The following FGB variants were observed in gnomAD, a reference collection of about 807,000 sequenced individuals.
The protein encoded by FGB is fibrinogen beta chain.
A neutral mutation model predicts 57.9 loss-of-function variants in FGB; 25 were observed. That is an observed-to-expected ratio of 0.43 (90% CI 0.31 to 0.60). The LOEUF (loss-of-function observed/expected upper bound fraction) is 0.60. Ranked by LOEUF, FGB falls within the 20% of genes least tolerant of loss-of-function variation. The pLI is 0.08. For synonymous variants in FGB, 203 were observed against 199.2 expected (o/e 1.02, Z -0.16); for missense variants, 536 against 598.4 (o/e 0.90, Z 1.09).
Position 154,570,887 on chromosome 4 carries a change from T to A in FGB, c.*237T>A, listed in dbSNP as rs1276944321. ...AGTATAGTTTTGACAGAGTTGGTGTTCATAATTTCAGTTCTAGTTGATTGC... is the reference window on the plus strand; with the variant it reads ...AGTATAGTTTTGACAGAGTTGGTGTACATAATTTCAGTTCTAGTTGATTGC... On this transcript the variant is annotated 3_prime_UTR_variant, in exon 8 of 8. Transcript: ENST00000302068. 5 of 541,174 alleles carry A rather than the reference T, an allele frequency of 9.2e-6. No individual in the cohort carries two copies. The highest frequency in any genetic ancestry group is 3.1e-5 in the Admixed American group (1 of 32,464). 33.5% of individuals were successfully genotyped at this position (541,174 alleles called of 1,614,324 possible). A position where few individuals can be genotyped will look rare whatever the true frequency, so the allele number is the denominator to read the frequency against.
At chr4:154,568,977 T>C (rs924198947) in intron 5 of FGB, among the ~76,000 whole-genome samples, 5 of 152,240 alleles carry the variant, frequency 3.3e-5, no homozygotes, top group African/African-American at 7.2e-5. Context: ...AAAATATCTA[T>C]AATTCACAAT....
In FGB at chr4:154,565,482, C is replaced by A. The variant is rs186055541; in HGVS notation, c.115-326C>A. ...GCTTGAGAATATTCATTCTTCTTGA[C>A]AGTATAGATTCTTTACAATTTCGTA... On this transcript the variant is annotated intron_variant, in intron 1 of 7. Transcript: ENST00000302068. 2,416 of 330,338 alleles carry A rather than the reference C, an allele frequency of 7.3e-3. 18 individuals are homozygous for A. The highest frequency in any genetic ancestry group is 0.022 in the Middle Eastern group (22 of 978). 20.5% of individuals were successfully genotyped at this position (330,338 alleles called of 1,614,324 possible). A position where few individuals can be genotyped will look rare whatever the true frequency, so the allele number is the denominator to read the frequency against.
chr4:154,568,526 C>T (rs1157818827), intron 5 of FGB, 32 bp downstream of exon 5: 1 of 1,149,846 alleles, frequency 8.7e-7, no homozygotes. Flanking sequence ...ACCTGTTGAT[C>T]TGTAATTATT....
intron 3 of FGB, among the ~76,000 whole-genome samples, chr4:154,567,178 A>G (rs1377009102): frequency 6.6e-6 from 1 of 152,214 alleles, no homozygotes; most frequent in Admixed American, 6.5e-5. Flanking sequence ...TTTCAAAGAA[A>G]TCAAAGGAAT....
chr4:154,566,784 C>T, intron 3 of FGB, 112 bp downstream of exon 3: 2 of 1,042,622 alleles, frequency 1.9e-6, no homozygotes, highest in Non-Finnish European at 2.9e-6. Context: ...TAGTGAATAG[C>T]ATTCATACGC....
At chr4:154,565,215 C>T (rs1730105341) in intron 1 of FGB, 1 of 464,378 alleles carries the variant, frequency 2.2e-6, no homozygotes. Flanking sequence ...GATAAAGCAA[C>T]TTGCCCAAGG....
At position 154,566,549 on chromosome 4, in the gene FGB, A is replaced by G. The variant is rs148045912; in HGVS notation, c.367A>G (p.Ile123Val). Residue 123 changes from isoleucine (I) to valine (V), a missense_variant, in exon 3 of 8, where the codon ATC becomes GTC. Physicochemically the swap from Ile to Val is conservative, Grantham distance 29. Around this residue, in one of 3 missense-constraint regions of FGB, gnomAD observed 354 missense variants for 383.4 expected, o/e 0.92. Coordinates refer to ENST00000302068, the MANE Select transcript of FGB (RefSeq NM_005141.5). Reference protein sequence around the residue: ...QEALLQQERPIRNSVDELNNN... With the variant: ...QEALLQQERPVRNSVDELNNN... ...GGCTTTGCTACAACAGGAAAGGCCAATCAGAAATAGTGTTGATGAGTTAAA... is the reference window on the plus strand; with the variant it reads ...GGCTTTGCTACAACAGGAAAGGCCAGTCAGAAATAGTGTTGATGAGTTAAA... 2.2e-4 allele frequency: 354 copies of G among 1,614,174 alleles called. 2 individuals are homozygous for G. In the African/African-American group the frequency reaches 3.8e-3, roughly 17 times the overall value.
intron 2 of FGB, 109 bp from the exon 3 acceptor site, chr4:154,566,379 TA>T: frequency 3.9e-6 from 4 of 1,028,370 alleles, no homozygotes; most frequent in Non-Finnish European, 6.0e-6. Context: ...AACCAAATAA[TA>T]AATTTTTATG....
rs1219609042 is a variant in FGB at position 154,565,937 on chromosome 4, C to A, written c.244C>A (p.Gln82Lys). The change falls in exon 2 of 8, where the codon CAA (glutamine) becomes AAA (lysine). Residue 82 changes from glutamine to lysine, a missense_variant. By Grantham distance (53) the Gln-to-Lys change is moderately conservative. Coordinates refer to ENST00000302068, the MANE Select transcript of FGB (RefSeq NM_005141.5). ...TCGTCCAGCCAAAGCAGCTGCCACTCAAAAGAAAGTAGAAAGAAAAGCCCC... is the reference window on the plus strand; with the variant it reads ...TCGTCCAGCCAAAGCAGCTGCCACTAAAAAGAAAGTAGAAAGAAAAGCCCC... Reference protein sequence around the residue: ...RARPAKAAATQKKVERKAPDA... With the variant: ...RARPAKAAATKKKVERKAPDA... The A allele has an allele frequency of 8.7e-6, 14 of 1,614,120 alleles. No individual in the cohort carries two copies. In the Admixed American group the frequency reaches 1.5e-4, roughly 17 times the overall value.
chr4:154,568,607 A>T, intron 5 of FGB, 113 bp downstream of exon 5: 1 of 668,784 alleles, frequency 1.5e-6, no homozygotes, highest in Non-Finnish European at 2.8e-6. Flanking sequence ...GCACCTTGGG[A>T]GGCCAAAGTG....
intron 4 of FGB, 44 bp from the exon 5 acceptor site, chr4:154,568,337 T>A (rs757188859): frequency 1.0e-6 from 1 of 1,002,976 alleles, no homozygotes; most frequent in East Asian, 2.4e-5. Context: ...TACAAAGTAA[T>A]TATGTCATAA....
At chr4:154,568,857 A>AG (rs1443342003) in intron 5 of FGB, among the ~76,000 whole-genome samples, 1 of 86,008 alleles carries the variant, frequency 1.2e-5, no homozygotes, top group African/African-American at 8.5e-5. Flanking sequence ...ATCCTGTCTC[A>AG]AAAAAAAAAA....
chr4:154,566,568 A>G lies in FGB; in HGVS notation c.386A>G (p.Glu129Gly). 1 of 1,614,108 alleles carries G rather than the reference A, an allele frequency of 6.2e-7. No individual in the cohort carries two copies. ...AGGCCAATCAGAAATAGTGTTGATG[A>G]GTTAAATAACAATGTGGAAGCTGTT... ...QERPIRNSVDELNNNVEAVSQ... is the reference protein window; with the variant it reads ...QERPIRNSVDGLNNNVEAVSQ... The change falls in exon 3 of 8, where the codon GAG becomes GGG. Residue 129 changes from glutamate (E) to glycine (G), a missense_variant. Coordinates refer to ENST00000302068, the MANE Select transcript of FGB (RefSeq NM_005141.5).
chr4:154,569,943 C>T (rs1306544303), intron 7 of FGB, 144 bp downstream of exon 7: 1 of 796,946 alleles, frequency 1.3e-6, no homozygotes, highest in East Asian at 2.6e-5. Context: ...CACTCGAAAG[C>T]ATTTCAACTA....
At chr4:154,564,306 T>G (rs1730066074) in intron 1 of FGB, among the ~76,000 whole-genome samples, 3 of 152,034 alleles carry the variant, frequency 2.0e-5, no homozygotes, top group South Asian at 4.1e-4. Context: ...TTTCCTTTTC[T>G]CTAGTAAAGC....
chr4:154,569,739 G>A lies in FGB; in HGVS notation c.1184G>A (p.Arg395Lys). The change falls in exon 7 of 8, where the codon AGG becomes AAG. Residue 395 changes from arginine to lysine, a missense_variant. Around this residue, in one of 3 missense-constraint regions of FGB, gnomAD observed 177 missense variants for 193.7 expected, o/e 0.91. Coordinates refer to ENST00000302068, the MANE Select transcript of FGB (RefSeq NM_005141.5). ...DGASQLMGEN[R>K]TMTIHNGMFF... ...GCATCTCAGCTGATGGGAGAAAACA[G>A]GACCATGACCATTCACAACGGCATG... The A allele has an allele frequency of 6.2e-7, 1 of 1,614,158 alleles. No individual in the cohort carries two copies. Among genetic ancestry groups the A allele is most frequent in the East Asian group, 2.2e-5 (1 of 44,876 alleles).
In FGB at chr4:154,571,853, T is replaced by C. The variant is rs1400394442; in HGVS notation, c.*1203T>C. On this transcript the variant is annotated 3_prime_UTR_variant, in exon 8 of 8. Transcript: ENST00000302068. ...TTGCCACCCATTTTTATGGTACTTA[T>C]TGTTCTTAAGCTTATCCTCTTAATC... Among the ~76,000 whole-genome samples the C allele has an allele frequency of 6.6e-6, 1 of 152,176 alleles. No individual in the cohort carries two copies. Among genetic ancestry groups the C allele is most frequent in the Non-Finnish European group, 1.5e-5 (1 of 68,038 alleles).
intron 5 of FGB, 106 bp downstream of exon 5, chr4:154,568,600 C>A: frequency 2.7e-6 from 2 of 736,494 alleles, no homozygotes; most frequent in Non-Finnish European, 4.9e-6. Context: ...AATTCCAGCA[C>A]CTTGGGAGGC....
At position 154,569,520 on chromosome 4, in the gene FGB, A is replaced by G. The variant is rs1398769200; in HGVS notation, c.965A>G (p.Tyr322Cys). ...TATTTTGTTTTTCTTTTAGGTGAAT[A>G]TTGGCTTGGAAATGATAAAATTAGC... ...GKNYCGLPGEYWLGNDKISQL... is the reference protein window; with the variant it reads ...GKNYCGLPGECWLGNDKISQL... Residue 322 changes from tyrosine to cysteine, a missense_variant, in exon 7 of 8, where the codon TAT (tyrosine) becomes TGT (cysteine). Tyr to Cys is a radical substitution (Grantham distance 194). Around this residue, in one of 3 missense-constraint regions of FGB, gnomAD observed 5 missense variants for 21.4 expected, o/e 0.23. Coordinates refer to ENST00000302068, the MANE Select transcript of FGB (RefSeq NM_005141.5). The G allele has an allele frequency of 1.2e-6, 2 of 1,611,648 alleles. No homozygotes were observed. The highest frequency in any genetic ancestry group is 1.7e-4 in the Middle Eastern group (1 of 6,040).
Sources: allele counts gnomAD v4.1 joint callset (sites outside exome capture counted in the v4.1 genomes callset), GRCh38; gene constraint gnomAD v4.1.1; regional missense constraint gnomAD v4.1.1; transcripts MANE v1.5; gene names NCBI Gene and HGNC (gene_info 2026-07-23, HGNC 2026-07-21).